PIK3C2G: variants seen among roughly 807,000 people sequenced by gnomAD.
PIK3C2G encodes phosphatidylinositol-4-phosphate 3-kinase catalytic subunit type 2 gamma.
In PIK3C2G, 168 loss-of-function variants were observed where a neutral mutation model predicts 181.1. The observed-to-expected ratio is 0.93, with a 90% CI of 0.82 to 1.05. The LOEUF (loss-of-function observed/expected upper bound fraction) is 1.05. Among genes scored for constraint, PIK3C2G ranks in the 50% least tolerant of loss-of-function variants. PIK3C2G has a pLI of 0.00. For synonymous variants in PIK3C2G, 573 were observed against 592.2 expected (o/e 0.97, Z 0.47); for missense variants, 1,869 against 1,732.8 (o/e 1.08, Z -1.40).
intron 18 of PIK3C2G, among the ~76,000 whole-genome samples, chr12:18,475,210 T>C (rs1304501720): frequency 6.6e-6 from 1 of 152,228 alleles, no homozygotes; most frequent in East Asian, 1.9e-4. Flanking sequence ...TGCTTATATC[T>C]TAAATAAGAC....
the PIK3C2G span, among the ~76,000 whole-genome samples, chr12:18,659,320 T>G: frequency 6.6e-6 from 1 of 152,088 alleles, no homozygotes; most frequent in Non-Finnish European, 1.5e-5. Flanking sequence ...ACAAAAGTAG[T>G]CAGACAAAAT....
chr12:18,320,003 C>A (rs1374551334), intron 6 of PIK3C2G: 1 of 152,180 alleles, frequency 6.6e-6, no homozygotes, highest in Non-Finnish European at 1.5e-5. Flanking sequence ...TTCCACCTAA[C>A]TTAGCTTCCT....
chr12:18,643,377 G>C (rs644554), intron 32 of PIK3C2G, among the ~76,000 whole-genome samples: 129,203 of 151,766 alleles, frequency 0.85, 55,071 homozygotes, highest in East Asian at 0.95. Flanking sequence ...CAATTCCGAT[G>C]AGAACATAGT....
upstream of PIK3C2G, among the ~76,000 whole-genome samples, chr12:18,259,199 G>A (rs568565938): frequency 1.3e-5 from 2 of 152,192 alleles, no homozygotes; most frequent in South Asian, 4.2e-4. Flanking sequence ...GTACTAGGTA[G>A]CTGCTAAGTA....
chr12:18,500,445 T>A (rs529535142), intron 22 of PIK3C2G, among the ~76,000 whole-genome samples: 1 of 152,274 alleles, frequency 6.6e-6, no homozygotes, highest in African/African-American at 2.4e-5. Flanking sequence ...CATGTGCTCC[T>A]GTGCAGCCGA....
At chr12:18,303,896 T>C (rs1950313730) in intron 5 of PIK3C2G, among the ~76,000 whole-genome samples, 2 of 152,094 alleles carry the variant, frequency 1.3e-5, no homozygotes, top group Admixed American at 6.5e-5. Context: ...TATTATTTAA[T>C]TGACGGTTGT....
At chr12:18,701,716 C>T in the PIK3C2G span, 6 of 1,612,332 alleles carry the variant, frequency 3.7e-6, no homozygotes. Context: ...CCTTTTCTTT[C>T]ATGGGTTTCC....
At chr12:18,690,070 C>T in the PIK3C2G span, among the ~76,000 whole-genome samples, 1 of 152,134 alleles carries the variant, frequency 6.6e-6, no homozygotes, top group African/African-American at 2.4e-5. Context: ...CTTCCACCTT[C>T]ACTTTCTCAA....
At chr12:18,606,865 T>C (rs1290344323) in intron 30 of PIK3C2G, among the ~76,000 whole-genome samples, 1 of 152,090 alleles carries the variant, frequency 6.6e-6, no homozygotes. Flanking sequence ...CCTTGGGAAG[T>C]AAACAATAAA....
intron 18 of PIK3C2G, among the ~76,000 whole-genome samples, chr12:18,438,279 A>G (rs887003142): frequency 6.6e-6 from 1 of 151,880 alleles, no homozygotes; most frequent in Non-Finnish European, 1.5e-5. Flanking sequence ...TCAAGAACTG[A>G]ATTGGTGATC....
chr12:18,417,385 A>G (rs1318255801), intron 16 of PIK3C2G, among the ~76,000 whole-genome samples: 4 of 152,196 alleles, frequency 2.6e-5, no homozygotes, highest in Admixed American at 6.5e-5. Context: ...ATTGACTTCA[A>G]TTTTGAAAGA....
chr12:18,703,323 C>T, the PIK3C2G span, among the ~76,000 whole-genome samples: 1 of 152,190 alleles, frequency 6.6e-6, no homozygotes, highest in Middle Eastern at 3.4e-3. Flanking sequence ...TCACTAGTGT[C>T]ACAACACTTT....
At chr12:18,540,518 A>T (rs574674939) in intron 25 of PIK3C2G, among the ~76,000 whole-genome samples, 5 of 152,006 alleles carry the variant, frequency 3.3e-5, no homozygotes, top group African/African-American at 1.2e-4. Flanking sequence ...TACATACCTT[A>T]ACAAAGCATT....
chr12:18,532,750 C>T (rs1943624386), intron 24 of PIK3C2G, among the ~76,000 whole-genome samples: 1 of 152,146 alleles, frequency 6.6e-6, no homozygotes, highest in Admixed American at 6.6e-5. Flanking sequence ...ATTGAAGTGC[C>T]ACATCACAGT....
At chr12:18,637,547 A>G (rs1176181657) in intron 31 of PIK3C2G, among the ~76,000 whole-genome samples, 6 of 152,136 alleles carry the variant, frequency 3.9e-5, no homozygotes, top group Middle Eastern at 3.2e-3. Flanking sequence ...GCTGTCCGCT[A>G]TGGTAACCAC....
intron 30 of PIK3C2G, among the ~76,000 whole-genome samples, chr12:18,606,159 T>A (rs990459889): frequency 6.6e-6 from 1 of 152,132 alleles, no homozygotes; most frequent in Admixed American, 6.6e-5. Flanking sequence ...TTACTAATCT[T>A]GAGCAAGAGG....
chr12:18,483,343 A>G (rs537022378), intron 18 of PIK3C2G, among the ~76,000 whole-genome samples: 1 of 152,294 alleles, frequency 6.6e-6, no homozygotes, highest in East Asian at 1.9e-4. Context: ...CCTATCAGAT[A>G]CTCAGACACT....
At chr12:18,684,122 G>A in the PIK3C2G span, 1 of 1,610,582 alleles carries the variant, frequency 6.2e-7, no homozygotes, top group Non-Finnish European at 8.5e-7. Flanking sequence ...AACTTTTAGG[G>A]ACATTACCTT....
chr12:18,398,555 G>C (rs1944031997), intron 15 of PIK3C2G, among the ~76,000 whole-genome samples: 1 of 152,168 alleles, frequency 6.6e-6, no homozygotes, highest in Non-Finnish European at 1.5e-5. Flanking sequence ...CACTTTGGAG[G>C]AGAGTGCGCA....
Sources: gnomAD v4.1 joint callset for allele counts (sites outside exome capture counted in the v4.1 genomes callset) on GRCh38, gnomAD v4.1.1 for gene constraint, MANE v1.5 for transcripts, NCBI Gene and HGNC (gene_info 2026-07-23, HGNC 2026-07-21) for gene names.